The following SMN2 variants were observed in gnomAD, a reference collection of about 807,000 sequenced individuals.
SMN2 encodes the protein survival motor neuron protein.
A neutral mutation model predicts 2.8 loss-of-function variants in SMN2; 1 was observed. The ratio of observed to expected loss-of-function variants is 0.35; its 90% confidence interval spans 0.13 to 1.68. SMN2 has a LOEUF of 1.68. Ranked by LOEUF, SMN2 falls within the 40% of genes most tolerant of loss-of-function variation. SMN2 has a pLI of 0.35. For synonymous variants in SMN2, 5 were observed against 5.0 expected (o/e 0.99, Z 0.01); for missense variants, 12 against 16.9 (o/e 0.71, Z 0.51).
At chr5:70,053,005 G>C (rs1052778720) in intron 1 of SMN2, among the ~76,000 whole-genome samples, 1 of 57,600 alleles carries the variant, frequency 1.7e-5, no homozygotes, top group Non-Finnish European at 3.5e-5. Flanking sequence ...ATGGTTAAGA[G>C]AGTGGGATTC....
At chr5:70,084,591 A>G in the SMN2 span, among the ~76,000 whole-genome samples, 2 of 137,312 alleles carry the variant, frequency 1.5e-5, no homozygotes, top group African/African-American at 6.1e-5. Flanking sequence ...AAAATAGCCA[A>G]TAATTTATCA....
chr5:70,074,718 C>T lies in SMN2; in HGVS notation c.835-1803C>T, dbSNP rs1219009748. On this transcript the variant is annotated intron_variant, in intron 7 of 8. Transcript: ENST00000380743. ...ACTGAAAGAAGAAAAATCAGCTGGG[C>T]GCAGTGGCTCACGCCGGTAATCCCA... 8.6e-5 allele frequency among the ~76,000 whole-genome samples: 11 copies of T among 127,568 alleles called. 1 individual carries two copies. The highest frequency in any genetic ancestry group is 1.7e-4 in the Non-Finnish European group (10 of 59,906). The allele number at this position is 127,568 out of a possible 152,430, so 83.7% of individuals were successfully genotyped here.
At chr5:70,074,759 A>G (rs1580732538) in intron 7 of SMN2, among the ~76,000 whole-genome samples, 2 of 127,580 alleles carry the variant, frequency 1.6e-5, no homozygotes, top group East Asian at 2.3e-4. Context: ...TTGGGAGGCC[A>G]AGGCAGGCGA....
intron 7 of SMN2, chr5:70,071,085 ATTCT>A (rs1774574998): frequency 1.2e-5 from 1 of 80,842 alleles, no homozygotes; most frequent in Non-Finnish European, 2.1e-5. Context: ...GAAAAATGAA[ATTCT>A]TTTTTTTTTT....
At chr5:70,083,809 G>C in the SMN2 span, among the ~76,000 whole-genome samples, 1 of 132,252 alleles carries the variant, frequency 7.6e-6, no homozygotes, top group African/African-American at 3.4e-5. Flanking sequence ...TTGTGGGGTG[G>C]GGGGAGTGGG....
At chr5:70,052,267 G>A (rs1350692319) in intron 1 of SMN2, among the ~76,000 whole-genome samples, 1 of 111,106 alleles carries the variant, frequency 9.0e-6, no homozygotes, top group Non-Finnish European at 2.0e-5. Flanking sequence ...GATCGGCCGG[G>A]CGCTGTGGCT....
At position 70,076,576 on chromosome 5, in the gene SMN2, T is replaced by G. The variant is rs1774762226; in HGVS notation, c.*3+2T>G. The G allele has an allele frequency of 6.9e-7, 1 of 1,459,836 alleles. No individual in the cohort carries two copies. Among genetic ancestry groups the G allele is most frequent in the Admixed American group, 1.9e-5 (1 of 53,168 alleles). 90.4% of individuals were successfully genotyped at this position (1,459,836 alleles called of 1,614,324 possible). ...TGCTCACATTCCTTAAATTAAGGAGTAAGTCTGCCAGCATTATGAAAGTGA... is the reference window on the plus strand; with the variant it reads ...TGCTCACATTCCTTAAATTAAGGAGGAAGTCTGCCAGCATTATGAAAGTGA... On this transcript the variant is annotated splice_donor_variant, in intron 8 of 8. Transcript: ENST00000380743. LOFTEE classifies it low-confidence loss of function (3UTR_SPLICE).
the SMN2 span, among the ~76,000 whole-genome samples, chr5:70,083,911 C>T: frequency 8.0e-6 from 1 of 125,590 alleles, no homozygotes; most frequent in Non-Finnish European, 1.6e-5. Context: ...ATGTAACTAA[C>T]CTGCACATTG....
downstream of SMN2, among the ~76,000 whole-genome samples, chr5:70,081,177 T>G (rs1207046325): frequency 8.6e-6 from 1 of 115,810 alleles, no homozygotes. Context: ...GTTGTAGATA[T>G]GCGGCGTTAT....
chr5:70,080,044 G>C (rs1183919853), downstream of SMN2, among the ~76,000 whole-genome samples: 18 of 107,062 alleles, frequency 1.7e-4, no homozygotes. Flanking sequence ...TGTAATTAAG[G>C]CCAGGCATGG....
the SMN2 span, among the ~76,000 whole-genome samples, chr5:70,084,880 A>T: frequency 8.8e-5 from 12 of 136,934 alleles, 2 homozygotes; most frequent in African/African-American, 1.2e-4. Context: ...ATCAATACTC[A>T]TGGCAGTTTC....
At chr5:70,082,134 T>C (rs1418683499), downstream of SMN2, among the ~76,000 whole-genome samples, 4 of 130,904 alleles carry the variant, frequency 3.1e-5, no homozygotes, top group Non-Finnish European at 6.3e-5. Flanking sequence ...GTGGTTTTTG[T>C]CTTTGGTTCT....
chr5:70,085,209 G>C, the SMN2 span, among the ~76,000 whole-genome samples: 687 of 120,506 alleles, frequency 5.7e-3, 74 homozygotes, highest in Admixed American at 0.048. Context: ...TAGTGCTGTT[G>C]AGTGGGAGTT....
intron 1 of SMN2, among the ~76,000 whole-genome samples, chr5:70,052,269 G>A (rs1774461042): frequency 9.1e-6 from 1 of 109,486 alleles, no homozygotes; most frequent in Non-Finnish European, 2.0e-5. Flanking sequence ...TCGGCCGGGC[G>A]CTGTGGCTGA....
downstream of SMN2, among the ~76,000 whole-genome samples, chr5:70,080,860 GC>G (rs2112500765): frequency 9.2e-6 from 1 of 108,652 alleles, no homozygotes; most frequent in Non-Finnish European, 1.8e-5. Context: ...CTGTGCAGAA[GC>G]TCTTTAGTTT....
intron 1 of SMN2, among the ~76,000 whole-genome samples, chr5:70,052,542 TA>T (rs1319920885): frequency 4.0e-3 from 64 of 16,184 alleles, no homozygotes; most frequent in Admixed American, 8.3e-3. Flanking sequence ...ACTTTGTCTT[TA>T]AAAAAAAAAA....
At chr5:70,070,875 AC>A (rs1242784351) in intron 7 of SMN2, 124 bp downstream of exon 7, 1 of 42,332 alleles carries the variant, frequency 2.4e-5, no homozygotes, top group African/African-American at 1.0e-4. Flanking sequence ...ATAAAAAAAT[AC>A]AACTGTCTGA....
chr5:70,076,464 T>C (rs1774756435), intron 7 of SMN2, 57 bp from the exon 8 acceptor site: 2 of 1,124,030 alleles, frequency 1.8e-6, no homozygotes, highest in Non-Finnish European at 1.3e-6. Context: ...GCTATCTATA[T>C]ATAGCTATCT....
intron 7 of SMN2, among the ~76,000 whole-genome samples, chr5:70,074,988 G>A (rs1336631348): frequency 2.3e-4 from 28 of 123,364 alleles, no homozygotes; most frequent in African/African-American, 7.1e-4. Flanking sequence ...GCGAAACTCC[G>A]TCTCAAAAAA....
Sources: allele counts gnomAD v4.1 joint callset (sites outside exome capture counted in the v4.1 genomes callset), GRCh38; gene constraint gnomAD v4.1.1; transcripts MANE v1.5; gene names NCBI Gene and HGNC (gene_info 2026-07-23, HGNC 2026-07-21).